Variants in BCL9 observed in about 807,000 individuals in gnomAD.
The protein encoded by BCL9 is BCL9 transcription coactivator, also known as B-cell CLL/lymphoma 9 protein.
A neutral mutation model predicts 88.5 loss-of-function variants in BCL9; 25 were observed. The observed-to-expected ratio is 0.28, with a 90% CI of 0.21 to 0.39. The LOEUF (loss-of-function observed/expected upper bound fraction) is 0.39. Ranked by LOEUF, BCL9 falls within the 10% of genes least tolerant of loss-of-function variation. The pLI is 1.00. For missense variants in BCL9, 1,817 were observed against 1,877.8 expected (o/e 0.97, Z 0.60); for synonymous variants, 711 against 673.3 (o/e 1.06, Z -0.87).
chr1:147,562,414 A>G (rs1472982114), intron 1 of BCL9, among the ~76,000 whole-genome samples: 1 of 152,174 alleles, frequency 6.6e-6, no homozygotes. Flanking sequence ...TTTCTTCGGT[A>G]CTGGGGAGCC....
intron 2 of BCL9, among the ~76,000 whole-genome samples, chr1:147,605,845 A>G (rs1359427413): frequency 6.6e-6 from 1 of 152,228 alleles, no homozygotes; most frequent in Non-Finnish European, 1.5e-5. Context: ...GTCATAGCAT[A>G]GAAATGAAAT....
At chr1:147,559,779 C>T (rs1655290168) in intron 1 of BCL9, among the ~76,000 whole-genome samples, 1 of 152,180 alleles carries the variant, frequency 6.6e-6, no homozygotes, top group East Asian at 1.9e-4. Context: ...AAGGACGGTA[C>T]TCACACCCTT....
intron 3 of BCL9, among the ~76,000 whole-genome samples, chr1:147,611,047 C>T (rs1401065282): frequency 2.0e-5 from 3 of 152,206 alleles, no homozygotes; most frequent in African/African-American, 4.8e-5. Flanking sequence ...TTCAGAAGTA[C>T]CTCCTTTAAA....
At chr1:147,588,861 T>G (rs924296169) in intron 1 of BCL9, among the ~76,000 whole-genome samples, 10 of 152,224 alleles carry the variant, frequency 6.6e-5, no homozygotes, top group Admixed American at 1.3e-4. Context: ...TGTGCAGTTC[T>G]CTTTTTAAAC....
chr1:147,595,079 A>G (rs1553200321), intron 1 of BCL9, among the ~76,000 whole-genome samples: 1 of 152,240 alleles, frequency 6.6e-6, no homozygotes, highest in Admixed American at 6.5e-5. Context: ...TTGCTGTGGA[A>G]AATGATAGCG....
intron 1 of BCL9, among the ~76,000 whole-genome samples, chr1:147,565,328 A>G: frequency 6.6e-6 from 1 of 152,218 alleles, no homozygotes; most frequent in East Asian, 1.9e-4. Context: ...TACTGATTCC[A>G]CAATGTAACT....
At chr1:147,546,263 A>G (rs10900377) in intron 1 of BCL9, among the ~76,000 whole-genome samples, 28,848 of 151,648 alleles carry the variant, frequency 0.19, 4,746 homozygotes, top group African/African-American at 0.45. Context: ...GTGTGAACCC[A>G]GGAGGAGGAG....
intron 1 of BCL9, among the ~76,000 whole-genome samples, chr1:147,570,454 G>A (rs944625351): frequency 1.3e-5 from 2 of 152,106 alleles, no homozygotes; most frequent in Non-Finnish European, 2.9e-5. Flanking sequence ...TGACCTTGGC[G>A]AAAGCAGTTT....
intron 1 of BCL9, among the ~76,000 whole-genome samples, chr1:147,573,179 G>A (rs782604267): frequency 1.3e-5 from 2 of 152,108 alleles, no homozygotes; most frequent in East Asian, 1.9e-4. Flanking sequence ...GGCCGGGAGC[G>A]GTGGCTCACT....
intron 9 of BCL9, 101 bp from the exon 10 acceptor site, chr1:147,623,741 T>C: frequency 7.6e-7 from 1 of 1,319,094 alleles, no homozygotes; most frequent in Non-Finnish European, 1.0e-6. Context: ...AGCATTATAC[T>C]ATGCACATTG....
chr1:147,549,869 C>T (rs1457038619), intron 1 of BCL9, among the ~76,000 whole-genome samples: 4 of 152,166 alleles, frequency 2.6e-5, no homozygotes, highest in African/African-American at 9.7e-5. Flanking sequence ...CTTTGATCTT[C>T]TAGCTTTTTT....
chr1:147,551,796 T>C (rs1211311871), intron 1 of BCL9, among the ~76,000 whole-genome samples: 1 of 152,192 alleles, frequency 6.6e-6, no homozygotes, highest in Non-Finnish European at 1.5e-5. Flanking sequence ...CTCTAGCAAA[T>C]AAATTTCTTT....
chr1:147,613,807 T>G (rs1033309097), intron 5 of BCL9, among the ~76,000 whole-genome samples: 2 of 152,224 alleles, frequency 1.3e-5, no homozygotes, highest in Non-Finnish European at 2.9e-5. Flanking sequence ...AGCTGTGGTT[T>G]TAGGCTTTTT....
At chr1:147,556,221 C>G (rs1240248213) in intron 1 of BCL9, among the ~76,000 whole-genome samples, 1 of 151,876 alleles carries the variant, frequency 6.6e-6, no homozygotes, top group African/African-American at 2.4e-5. Context: ...AGGGTTCAAG[C>G]AATTCTCCTG....
intron 1 of BCL9, among the ~76,000 whole-genome samples, chr1:147,599,868 C>A (rs1397426794): frequency 6.8e-6 from 1 of 147,394 alleles, no homozygotes; most frequent in Non-Finnish European, 1.5e-5. Context: ...GGTACCATCG[C>A]GCGCGTCTGG....
At chr1:147,565,006 T>C (rs1655540048) in intron 1 of BCL9, among the ~76,000 whole-genome samples, 1 of 152,074 alleles carries the variant, frequency 6.6e-6, no homozygotes, top group Non-Finnish European at 1.5e-5. Context: ...GTGGCTACCA[T>C]ATTGGGCAGT....
intron 5 of BCL9, among the ~76,000 whole-genome samples, chr1:147,613,923 G>A (rs1658137470): frequency 6.6e-6 from 1 of 152,132 alleles, no homozygotes; most frequent in South Asian, 2.1e-4. Flanking sequence ...TGGAAACTTG[G>A]GTGATTGTTT....
chr1:147,621,653 G>A (rs989336969), intron 8 of BCL9, among the ~76,000 whole-genome samples: 1 of 152,180 alleles, frequency 6.6e-6, no homozygotes, highest in Non-Finnish European at 1.5e-5. Flanking sequence ...TAGTGCCAAG[G>A]TGTAAATACT....
Position 147,619,176 on chromosome 1 carries a change from C to A in BCL9, c.1021C>A (p.Pro341Thr). Reference protein sequence around the residue: ...PPPPPVSSGEPPTLGENPDGL... With the variant: ...PPPPPVSSGETPTLGENPDGL... ...GCCTCCACCAGTGTCCAGTGGCGAG[C>A]CCCCCACACTGGGAGAGAATCCCGA... Residue 341 changes from proline (P) to threonine (T), a missense_variant, in exon 8 of 10, where the codon CCC (proline) becomes ACC (threonine). This residue lies in a region of BCL9 where 1,228 missense variants were observed against 1,191.6 expected (regional missense o/e 1.03). Transcript: ENST00000234739. This position sits in a 1 kb window ranked among gnomAD's most constrained non-coding sequence, Gnocchi z 4.1. The A allele has an allele frequency of 6.2e-7, 1 of 1,612,930 alleles. No individual in the cohort carries two copies. Among genetic ancestry groups the A allele is most frequent in the Non-Finnish European group, 8.5e-7 (1 of 1,179,404 alleles).
Sources: gnomAD v4.1 joint callset for allele counts (sites outside exome capture counted in the v4.1 genomes callset) on GRCh38, gnomAD v4.1.1 for gene constraint, gnomAD v4.1.1 regional missense constraint, Gnocchi (gnomAD v3.1) non-coding constraint, MANE v1.5 for transcripts, NCBI Gene and HGNC (gene_info 2026-07-23, HGNC 2026-07-21) for gene names.